The following TCF7L1 variants were observed in gnomAD, a reference collection of about 807,000 sequenced individuals.
TCF7L1 encodes the protein transcription factor 7 like 1.
In TCF7L1, 18 loss-of-function variants were observed where a neutral mutation model predicts 63.7. That is an observed-to-expected ratio of 0.28 (90% CI 0.20 to 0.42). The LOEUF (loss-of-function observed/expected upper bound fraction) is 0.42, where lower values mean the gene tolerates loss of function less well. Ranked by LOEUF, TCF7L1 falls within the 10% of genes least tolerant of loss-of-function variation. TCF7L1 has a pLI of 1.00. For synonymous variants in TCF7L1, 355 were observed against 340.9 expected, an observed-to-expected ratio of 1.04 and a Z score of -0.46; for missense variants, 654 against 779.3, an observed-to-expected ratio of 0.84 and a Z score of 1.91.
intron 3 of TCF7L1, among the ~76,000 whole-genome samples, chr2:85,229,087 C>T (rs985497750): frequency 4.6e-5 from 7 of 151,902 alleles, no homozygotes; most frequent in African/African-American, 1.7e-4. Flanking sequence ...TGGCTCACGC[C>T]TGTAATCCCA....
At chr2:85,187,340 A>G (rs1365948712) in intron 3 of TCF7L1, 2 of 152,214 alleles carry the variant, frequency 1.3e-5, no homozygotes, top group African/African-American at 4.8e-5. Flanking sequence ...GTCATCTGGG[A>G]CAGACTAGAT....
intron 3 of TCF7L1, among the ~76,000 whole-genome samples, chr2:85,257,575 C>G (rs1336539432): frequency 6.6e-6 from 1 of 152,214 alleles, no homozygotes; most frequent in Non-Finnish European, 1.5e-5. Context: ...AAGGGCCCCC[C>G]TTGGAGTGAG....
chr2:85,155,360 A>G (rs1678120690), intron 3 of TCF7L1, among the ~76,000 whole-genome samples: 1 of 152,198 alleles, frequency 6.6e-6, no homozygotes, highest in African/African-American at 2.4e-5. Context: ...GCTCTGTGGA[A>G]GCTTTGTTCT....
chr2:85,183,015 T>G (rs969977286), intron 3 of TCF7L1, among the ~76,000 whole-genome samples: 8 of 152,210 alleles, frequency 5.3e-5, no homozygotes, highest in Non-Finnish European at 1.2e-4. Context: ...CTAGAGCTTC[T>G]GCTTCAAGGG....
intron 3 of TCF7L1, among the ~76,000 whole-genome samples, chr2:85,235,599 C>T (rs1680171715): frequency 2.0e-5 from 3 of 152,144 alleles, no homozygotes. Context: ...CCTCGCGGAG[C>T]TCAACTAGGA....
chr2:85,165,483 T>C (rs1177662546), intron 3 of TCF7L1, among the ~76,000 whole-genome samples: 1 of 152,188 alleles, frequency 6.6e-6, no homozygotes, highest in Non-Finnish European at 1.5e-5. Context: ...GCAAAATAAA[T>C]ACCCACTCCT....
chr2:85,155,755 G>C (rs1678128171), intron 3 of TCF7L1, among the ~76,000 whole-genome samples: 1 of 152,074 alleles, frequency 6.6e-6, no homozygotes, highest in African/African-American at 2.4e-5. Context: ...CCAGGATTAG[G>C]ACGTTAATTT....
chr2:85,284,962 A>G (rs1030198510), intron 4 of TCF7L1, among the ~76,000 whole-genome samples: 2 of 152,214 alleles, frequency 1.3e-5, no homozygotes, highest in African/African-American at 4.8e-5. Context: ...AGCTGGGCGC[A>G]GTGGCTCACG....
intron 3 of TCF7L1, among the ~76,000 whole-genome samples, chr2:85,246,195 G>A (rs888123771): frequency 6.6e-6 from 1 of 152,244 alleles, no homozygotes; most frequent in African/African-American, 2.4e-5. Context: ...ACACAGTTGG[G>A]TGTAGTTTCC....
At chr2:85,299,536 G>T (rs1573032569) in intron 4 of TCF7L1, among the ~76,000 whole-genome samples, 1 of 150,138 alleles carries the variant, frequency 6.7e-6, no homozygotes, top group Admixed American at 6.6e-5. Context: ...CTGGGTGACA[G>T]AGCAAGACTC....
intron 3 of TCF7L1, among the ~76,000 whole-genome samples, chr2:85,218,985 C>T (rs2104298691): frequency 6.6e-6 from 1 of 152,118 alleles, no homozygotes; most frequent in Non-Finnish European, 1.5e-5. Flanking sequence ...TCAACATAGC[C>T]AGACCCTGTC....
intron 3 of TCF7L1, among the ~76,000 whole-genome samples, chr2:85,268,767 TAAA>T (rs61701088): frequency 7.3e-4 from 101 of 139,186 alleles, no homozygotes; most frequent in Admixed American, 7.8e-4. Flanking sequence ...AGCGGCAGGT[TAAA>T]AAAAAAAAAA....
chr2:85,205,063 ACTAC>A (rs1354452469), intron 3 of TCF7L1: 1 of 152,214 alleles, frequency 6.6e-6, no homozygotes, highest in Admixed American at 6.5e-5. Context: ...AAAAGGGAAA[ACTAC>A]CTAGAAGTGG....
intron 3 of TCF7L1, among the ~76,000 whole-genome samples, chr2:85,248,407 G>C (rs1558645741): frequency 6.6e-6 from 1 of 152,134 alleles, no homozygotes; most frequent in Admixed American, 6.6e-5. Flanking sequence ...TGATGGTACT[G>C]GTCCAGGGAA....
intron 3 of TCF7L1, among the ~76,000 whole-genome samples, chr2:85,259,115 C>T (rs1680795666): frequency 6.6e-6 from 1 of 152,224 alleles, no homozygotes; most frequent in Middle Eastern, 3.2e-3. Context: ...GACACATTGT[C>T]ATTCTGTCCC....
At chr2:85,180,870 G>A (rs1033456015) in intron 3 of TCF7L1, among the ~76,000 whole-genome samples, 8 of 152,330 alleles carry the variant, frequency 5.3e-5, no homozygotes, top group Admixed American at 5.2e-4. Flanking sequence ...CTCACAGCCA[G>A]CAAATAGCAA....
At chr2:85,142,526 G>T (rs1265320847) in intron 3 of TCF7L1, among the ~76,000 whole-genome samples, 2 of 151,266 alleles carry the variant, frequency 1.3e-5, no homozygotes, top group African/African-American at 2.4e-5. Flanking sequence ...GACACAATTT[G>T]TGTGTAGCTA....
chr2:85,304,095 C>T, intron 6 of TCF7L1, 98 bp downstream of exon 6: 1 of 1,207,598 alleles, frequency 8.3e-7, no homozygotes, highest in Non-Finnish European at 1.2e-6. Context: ...CCCTCAGAGG[C>T]AAGCCCAGGA....
At chr2:85,143,813 A>C (rs904303903) in intron 3 of TCF7L1, among the ~76,000 whole-genome samples, 1 of 152,208 alleles carries the variant, frequency 6.6e-6, no homozygotes, top group African/African-American at 2.4e-5. Context: ...ATTTGTTCCA[A>C]CTTTACACAT....
Sources: allele counts gnomAD v4.1 joint callset (sites outside exome capture counted in the v4.1 genomes callset), GRCh38; gene constraint gnomAD v4.1.1; transcripts MANE v1.5; gene names NCBI Gene and HGNC (gene_info 2026-07-23, HGNC 2026-07-21).